PROCR: variants seen among roughly 807,000 people sequenced by gnomAD.
PROCR encodes the protein endothelial protein C receptor.
In PROCR, 22 loss-of-function variants were observed where a neutral mutation model predicts 24.2. That is an observed-to-expected ratio of 0.91 (90% CI 0.65 to 1.30). The LOEUF is 1.30. Ranked by LOEUF, PROCR falls within the 50% of genes most tolerant of loss-of-function variation. The pLI, the probability that PROCR is intolerant of heterozygous loss-of-function variation, is 0.00. For missense variants in PROCR, 288 were observed against 307.7 expected (o/e 0.94, Z 0.48); for synonymous variants, 137 against 139.2 (o/e 0.98, Z 0.11).
intron 1 of PROCR, among the ~76,000 whole-genome samples, chr20:35,207,257 G>A (rs1398325525): frequency 6.6e-6 from 1 of 151,940 alleles, no homozygotes; most frequent in East Asian, 1.9e-4. Flanking sequence ...TTATTTTTTT[G>A]TTTGTGTGTG....
intron 1 of PROCR, among the ~76,000 whole-genome samples, chr20:35,211,281 G>T (rs1273910256): frequency 6.6e-6 from 1 of 152,218 alleles, no homozygotes; most frequent in Non-Finnish European, 1.5e-5. Context: ...GATGGGGCCA[G>T]TGGGCCCTAA....
intron 1 of PROCR, among the ~76,000 whole-genome samples, chr20:35,209,995 G>A (rs2146180801): frequency 6.6e-6 from 1 of 152,340 alleles, no homozygotes; most frequent in Non-Finnish European, 1.5e-5. Flanking sequence ...GGGAGGCTGA[G>A]TCTGGAGGAT....
intron 1 of PROCR, 24 bp downstream of exon 1, chr20:35,172,248 C>T: frequency 1.2e-6 from 2 of 1,612,062 alleles, no homozygotes; most frequent in Non-Finnish European, 1.7e-6. Context: ...ACATCTCCTG[C>T]CTCAGGATGG....
chr20:35,209,075 G>A (rs978337426), intron 1 of PROCR, among the ~76,000 whole-genome samples: 1 of 152,180 alleles, frequency 6.6e-6, no homozygotes, highest in Non-Finnish European at 1.5e-5. Flanking sequence ...GGGGGAGACA[G>A]AATTACACAA....
At chr20:35,195,745 G>A (rs1480835344) in intron 1 of PROCR, among the ~76,000 whole-genome samples, 1 of 149,110 alleles carries the variant, frequency 6.7e-6, no homozygotes, top group Non-Finnish European at 1.5e-5. Flanking sequence ...CACTTGAACT[G>A]GGGAGGCAGA....
intron 3 of PROCR, 74 bp downstream of exon 3, chr20:35,176,520 A>G: frequency 6.2e-7 from 1 of 1,602,492 alleles, no homozygotes; most frequent in Non-Finnish European, 8.5e-7. Flanking sequence ...GACCTGAAGG[A>G]TGGATGCCTA....
intron 1 of PROCR, among the ~76,000 whole-genome samples, chr20:35,206,670 A>G (rs950018192): frequency 6.6e-6 from 1 of 152,144 alleles, no homozygotes; most frequent in Non-Finnish European, 1.5e-5. Flanking sequence ...ATGTCTATAC[A>G]CCTATTGAAA....
chr20:35,176,788 T>G lies in PROCR; in HGVS notation c.692T>G (p.Leu231Arg). 4 of 1,614,060 alleles carry G rather than the reference T, an allele frequency of 2.5e-6. No individual in the cohort carries two copies. Among genetic ancestry groups the G allele is most frequent in the South Asian group, 2.2e-5 (2 of 91,046 alleles). ...GCTGGTGTGGCTGTAGGCATCTTCC[T>G]GTGCACAGGTGGACGGCGATGTTAA... ...IIAGVAVGIF[L>R]CTGGRRC Residue 231 changes from leucine to arginine, a missense_variant, in exon 4 of 4, where the codon CTG becomes CGG. Coordinates refer to ENST00000216968, the MANE Select transcript of PROCR (RefSeq NM_006404.5).
chr20:35,215,895 C>G, exon 2 of PROCR: 3 of 985,282 alleles, frequency 3.0e-6, no homozygotes, highest in Non-Finnish European at 3.6e-6. Flanking sequence ...CCTTTCAGAT[C>G]TCTACTAAGA....
chr20:35,193,080 C>A (rs927571169), intron 1 of PROCR, among the ~76,000 whole-genome samples: 4 of 151,960 alleles, frequency 2.6e-5, no homozygotes, highest in Non-Finnish European at 5.9e-5. Context: ...CAGAACTAAC[C>A]TGTGGTGTTA....
rs1452252256 is a variant in PROCR, at chr20:35,174,830, AT to A, written c.200del (p.Ile67ThrfsTer44). The A allele has an allele frequency of 6.2e-7, 1 of 1,613,898 alleles. No individual in the cohort carries two copies. Among genetic ancestry groups the A allele is most frequent in the Non-Finnish European group, 8.5e-7 (1 of 1,179,970 alleles). ...GGAAGGCCCAGACACCAACACCACG[AT>A]CATTCAGCTGCAGCCCTTGCAGGAG... ...VLEGPDTNTT[I>X]IQLQPLQEPE... On this transcript the variant is annotated frameshift_variant, in exon 2 of 4. Transcript: ENST00000216968. LOFTEE classifies it high-confidence loss of function.
intron 1 of PROCR, among the ~76,000 whole-genome samples, chr20:35,208,378 C>G (rs1309832244): frequency 6.6e-6 from 1 of 152,194 alleles, no homozygotes; most frequent in Admixed American, 6.5e-5. Context: ...TTAACTGACT[C>G]TAATCACATT....
intron 1 of PROCR, among the ~76,000 whole-genome samples, chr20:35,190,044 A>G (rs2086160486): frequency 6.6e-6 from 1 of 152,214 alleles, no homozygotes; most frequent in Non-Finnish European, 1.5e-5. Flanking sequence ...AAAGCTTATT[A>G]GGAAAGAAAG....
Position 35,176,178 on chromosome 20 carries a change from C to T in PROCR, c.333C>T (p.Thr111=). Residue 111 remains threonine, a synonymous_variant, in exon 3 of 4, where the codon ACC becomes ACT. Transcript: ENST00000216968. The stretch of plus-strand genomic sequence containing the variant: ...ACTGTCTATCCACAGTTCCTCTGAC[C>T]ATCCGCTGCTTCCTGGGCTGTGAGC... ...HQERTLAFPL[T]IRCFLGCELP... 1 of 1,614,010 alleles carries T rather than the reference C, an allele frequency of 6.2e-7. No individual in the cohort carries two copies. The highest frequency in any genetic ancestry group is 8.5e-7 in the Non-Finnish European group (1 of 1,179,906).
intron 1 of PROCR, among the ~76,000 whole-genome samples, chr20:35,183,972 A>G (rs2086101298): frequency 6.6e-6 from 1 of 152,360 alleles, no homozygotes; most frequent in South Asian, 2.1e-4. Flanking sequence ...GAAAATGACC[A>G]TACTGCCAAA....
chr20:35,183,106 ACT>A (rs2086093424), intron 1 of PROCR, among the ~76,000 whole-genome samples: 2 of 152,054 alleles, frequency 1.3e-5, no homozygotes, highest in East Asian at 1.9e-4. Flanking sequence ...ATCATTTAAT[ACT>A]CTCTTTGGTC....
At chr20:35,196,929 A>G (rs527961448) in intron 1 of PROCR, among the ~76,000 whole-genome samples, 71 of 152,340 alleles carry the variant, frequency 4.7e-4, no homozygotes, top group African/African-American at 1.7e-3. Context: ...ACAATTATAA[A>G]CAACAGGGGG....
chr20:35,178,516 T>C (rs1208465943), downstream of PROCR, among the ~76,000 whole-genome samples: 1 of 48,880 alleles, frequency 2.0e-5, no homozygotes, highest in Admixed American at 1.5e-4. Flanking sequence ...AGTTTTTTTT[T>C]TTTTTTTTTT....
rs1038089733 is a variant in PROCR, at chr20:35,196,564, G to A, written c.95-19329G>A. On this transcript the variant is annotated intron_variant, in intron 1 of 1. Coordinates refer to the PROCR transcript ENST00000634509. ...AGACCATGGAAGCCAGAAGACAATG[G>A]AATAACACCTTTAAAGTGCTGAAAG... Among the ~76,000 whole-genome samples the A allele has an allele frequency of 2.0e-4, 31 of 152,122 alleles. 1 individual carries two copies. Among genetic ancestry groups the A allele is most frequent in the Admixed American group, 1.9e-3 (29 of 15,274 alleles).
Sources: gnomAD v4.1 joint callset for allele counts (sites outside exome capture counted in the v4.1 genomes callset) on GRCh38, gnomAD v4.1.1 for gene constraint, MANE v1.5 for transcripts, NCBI Gene and HGNC (gene_info 2026-07-23, HGNC 2026-07-21) for gene names.